The following DIAPH3 variants were observed in gnomAD, a reference collection of about 807,000 sequenced individuals.
DIAPH3 encodes diaphanous related formin 3.
A neutral mutation model predicts 144.3 loss-of-function variants in DIAPH3; 117 were observed. The ratio of observed to expected loss-of-function variants is 0.81; its 90% CI spans 0.70 to 0.95. The LOEUF (loss-of-function observed/expected upper bound fraction) is 0.95. Among genes scored for constraint, DIAPH3 ranks in the 40% least tolerant of loss-of-function variants. The pLI is 0.00. For missense variants in DIAPH3, 1,421 were observed against 1,412.7 expected (o/e 1.01, Z -0.09); for synonymous variants, 519 against 488.9 (o/e 1.06, Z -0.81).
intron 21 of DIAPH3, among the ~76,000 whole-genome samples, chr13:59,862,114 G>A (rs573035694): frequency 3.0e-4 from 45 of 152,236 alleles, no homozygotes; most frequent in Admixed American, 2.9e-3. Context: ...ATACAAAAGT[G>A]CATTAACACA....
intron 7 of DIAPH3, 34 bp from the exon 8 acceptor site, chr13:60,010,703 A>G (rs2053188405): frequency 6.3e-7 from 1 of 1,598,716 alleles, no homozygotes; most frequent in Non-Finnish European, 8.6e-7. Context: ...GTCAAATGTT[A>G]GAAATTAGTT....
chr13:59,773,988 A>G, intron 27 of DIAPH3: 1 of 550,582 alleles, frequency 1.8e-6, no homozygotes, highest in Admixed American at 3.6e-5. Flanking sequence ...TGATAGAAGA[A>G]CCTAAGACAC....
At chr13:59,937,642 G>A (rs1380261324) in intron 17 of DIAPH3, among the ~76,000 whole-genome samples, 3 of 152,174 alleles carry the variant, frequency 2.0e-5, no homozygotes, top group Non-Finnish European at 2.9e-5. Context: ...CTTGATAGAA[G>A]AGAAGTGATC....
chr13:60,115,354 C>T (rs967944898), intron 2 of DIAPH3, among the ~76,000 whole-genome samples: 17 of 152,092 alleles, frequency 1.1e-4, no homozygotes, highest in African/African-American at 1.4e-4. Flanking sequence ...GCACTAAACA[C>T]GATGAAAAAT....
chr13:59,890,607 C>G (rs1340933043), intron 20 of DIAPH3, among the ~76,000 whole-genome samples: 1 of 151,528 alleles, frequency 6.6e-6, no homozygotes, highest in Non-Finnish European at 1.5e-5. Flanking sequence ...AATCCTGTAC[C>G]CAAATTAAAC....
chr13:59,834,898 C>T (rs1459582312), intron 23 of DIAPH3, among the ~76,000 whole-genome samples: 1 of 151,704 alleles, frequency 6.6e-6, no homozygotes, highest in Non-Finnish European at 1.5e-5. Flanking sequence ...GAATCACTGT[C>T]ATCTTCCCAT....
At chr13:60,097,332 G>T (rs1209200551) in intron 3 of DIAPH3, among the ~76,000 whole-genome samples, 5 of 152,112 alleles carry the variant, frequency 3.3e-5, no homozygotes, top group Non-Finnish European at 7.4e-5. Flanking sequence ...CCTTCCTGGG[G>T]TGGGGGCGAT....
intron 4 of DIAPH3, among the ~76,000 whole-genome samples, chr13:60,049,646 A>G (rs1311843551): frequency 6.6e-6 from 1 of 152,218 alleles, no homozygotes; most frequent in Admixed American, 6.5e-5. Flanking sequence ...CTTACTCTGT[A>G]TTAAAATAAC....
At chr13:59,912,130 G>C (rs1051833437) in intron 19 of DIAPH3, among the ~76,000 whole-genome samples, 24 of 152,116 alleles carry the variant, frequency 1.6e-4, no homozygotes, top group Non-Finnish European at 2.8e-4. Context: ...CAAAGGAACA[G>C]CTTTCTCACC....
intron 5 of DIAPH3, among the ~76,000 whole-genome samples, chr13:60,026,868 T>G (rs1027356664): frequency 6.6e-6 from 1 of 152,186 alleles, no homozygotes; most frequent in South Asian, 2.1e-4. Flanking sequence ...TATTTTTAAT[T>G]ACCCAAAAGA....
At chr13:60,093,762 TAG>T in intron 3 of DIAPH3, 30 bp from the exon 4 acceptor site, 3 of 1,463,414 alleles carry the variant, frequency 2.0e-6, no homozygotes, top group Admixed American at 1.7e-5. Flanking sequence ...TGCCTCATTT[TAG>T]AATCTAAGTA....
At chr13:60,059,308 T>G (rs2056678474) in intron 4 of DIAPH3, among the ~76,000 whole-genome samples, 1 of 151,982 alleles carries the variant, frequency 6.6e-6, no homozygotes, top group Non-Finnish European at 1.5e-5. Flanking sequence ...ATTACATGGG[T>G]GTGTCTACTC....
chr13:59,958,867 CTTTTTTTTTTTTT>C (rs932649097), intron 17 of DIAPH3, among the ~76,000 whole-genome samples: 1 of 94,344 alleles, frequency 1.1e-5, no homozygotes, highest in Non-Finnish European at 2.0e-5. Flanking sequence ...CTTCAATAAA[CTTTTTTTTTTTTT>C]TTTTTTTTTT....
intron 25 of DIAPH3, among the ~76,000 whole-genome samples, chr13:59,794,950 T>C (rs2039512466): frequency 6.6e-6 from 1 of 152,260 alleles, no homozygotes; most frequent in Non-Finnish European, 1.5e-5. Flanking sequence ...TATTAACTTG[T>C]GAATGCCTCA....
At chr13:59,776,798 A>G (rs1396046580) in intron 25 of DIAPH3, among the ~76,000 whole-genome samples, 1 of 152,156 alleles carries the variant, frequency 6.6e-6, no homozygotes, top group African/African-American at 2.4e-5. Flanking sequence ...GCTGGAGCAG[A>G]TGTGTAAATG....
rs80289515 is a variant in DIAPH3 at position 59,726,141 on chromosome 13, T to A, written c.3319+48048A>T. ...TAGAACTGTATAGATTTGCATGTAT[T>A]ATTTCATATAGCCAAATTTATAGAA... On this transcript the variant is annotated intron_variant, in intron 27 of 27. Transcript: ENST00000400324. Among the ~76,000 whole-genome samples the A allele has an allele frequency of 5.6e-3, 846 of 152,352 alleles. 11 individuals carry two copies. Among genetic ancestry groups the A allele is most frequent in the African/African-American group, 0.019 (792 of 41,580 alleles).
intron 3 of DIAPH3, among the ~76,000 whole-genome samples, chr13:60,099,907 A>AGAAGGAAGGAAGGAAGGAAGGAAG (rs748938775): frequency 3.1e-4 from 32 of 104,848 alleles, no homozygotes; most frequent in African/African-American, 6.1e-4. Context: ...AGAAAGTAAG[A>AGAAGGAAGGAAGGAAGGAAGGAAG]GAAGGAAGGA....
At chr13:59,693,061 GA>G (rs1432777962) in intron 27 of DIAPH3, among the ~76,000 whole-genome samples, 4 of 152,184 alleles carry the variant, frequency 2.6e-5, no homozygotes, top group African/African-American at 9.7e-5. Context: ...GCAGTCACAG[GA>G]AAATTACTAT....
Position 60,084,841 on chromosome 13 carries a change from GT to G in DIAPH3, c.495+8786del, listed in dbSNP as rs2057696008. On this transcript the variant is annotated intron_variant, in intron 4 of 27. Coordinates refer to ENST00000400324, the MANE Select transcript of DIAPH3 (RefSeq NM_001042517.2). ...AACCATATTTATTGTCTTGAGGGTT[GT>G]GGGGGAAACCACTACACTGAGCCGG... 2.0e-5 allele frequency among the ~76,000 whole-genome samples: 3 copies of G among 152,110 alleles called. No homozygotes were observed. In the South Asian group the frequency reaches 6.2e-4, roughly 32 times the overall value.
Sources: allele counts gnomAD v4.1 joint callset (sites outside exome capture counted in the v4.1 genomes callset), GRCh38; gene constraint gnomAD v4.1.1; transcripts MANE v1.5; gene names NCBI Gene and HGNC (gene_info 2026-07-23, HGNC 2026-07-21).